Variants in DCLK1 observed in about 807,000 individuals in gnomAD.
DCLK1 encodes the protein doublecortin like kinase 1.
In DCLK1, 16 loss-of-function variants were observed where a neutral mutation model predicts 86.2. That is an observed-to-expected ratio of 0.19 (90% CI 0.13 to 0.28). The LOEUF (loss-of-function observed/expected upper bound fraction) is 0.28. Ranked by LOEUF, DCLK1 falls within the 10% of genes least tolerant of loss-of-function variation. The probability of loss-of-function intolerance (pLI) is 1.00; values close to 1 mark genes in which losing one functional copy is unlikely to be tolerated. For synonymous variants in DCLK1, 369 were observed against 370.5 expected (o/e 1.00, Z 0.05); for missense variants, 590 against 940.2 (o/e 0.63, Z 4.87).
At chr13:35,862,032 C>CA (rs36091477) in intron 5 of DCLK1, among the ~76,000 whole-genome samples, 2,098 of 70,894 alleles carry the variant, frequency 0.03, 104 homozygotes, top group Middle Eastern at 0.035. Context: ...GACTCCGTCT[C>CA]AAAAAAAAAA....
At chr13:36,051,008 G>A (rs937084950) in intron 3 of DCLK1, among the ~76,000 whole-genome samples, 1 of 152,192 alleles carries the variant, frequency 6.6e-6, no homozygotes, top group Non-Finnish European at 1.5e-5. Context: ...ATCAGCCAAT[G>A]AGAAGTGATG....
chr13:36,095,151 A>ATCTC (rs1313994536), intron 3 of DCLK1, among the ~76,000 whole-genome samples: 1 of 143,228 alleles, frequency 7.0e-6, no homozygotes, highest in African/African-American at 2.7e-5. Context: ...ATCCTCTGAT[A>ATCTC]TCTCTCTATC....
At chr13:36,070,347 C>T (rs1043419926) in intron 3 of DCLK1, among the ~76,000 whole-genome samples, 1 of 152,146 alleles carries the variant, frequency 6.6e-6, no homozygotes, top group Admixed American at 6.5e-5. Flanking sequence ...GGGCTGAGTA[C>T]TCTATAAACG....
intron 16 of DCLK1, among the ~76,000 whole-genome samples, chr13:35,785,539 G>A (rs568537496): frequency 6.6e-6 from 1 of 152,216 alleles, no homozygotes; most frequent in South Asian, 2.1e-4. Flanking sequence ...GTATGAGGCT[G>A]GAGAATGGAG....
intron 10 of DCLK1, among the ~76,000 whole-genome samples, chr13:35,823,772 C>T (rs1433480459): frequency 1.3e-5 from 2 of 152,134 alleles, no homozygotes; most frequent in Non-Finnish European, 2.9e-5. Context: ...TTACCTAATG[C>T]GCTAAGGAAC....
intron 3 of DCLK1, among the ~76,000 whole-genome samples, chr13:36,029,754 G>A (rs1158065560): frequency 6.6e-6 from 1 of 152,094 alleles, no homozygotes; most frequent in Non-Finnish European, 1.5e-5. Context: ...GGAAAAACAA[G>A]ATCTGTTCCA....
At chr13:35,867,909 AAAAGAAAG>A (rs34489580) in intron 5 of DCLK1, among the ~76,000 whole-genome samples, 3,590 of 102,400 alleles carry the variant, frequency 0.035, 75 homozygotes, top group Non-Finnish European at 0.046. Flanking sequence ...GAAAGAAAGA[AAAAGAAAG>A]AAAGAAAGAA....
At chr13:35,851,993 G>GTA (rs113058173) in intron 6 of DCLK1, among the ~76,000 whole-genome samples, 26,861 of 147,032 alleles carry the variant, frequency 0.18, 2,428 homozygotes, top group Admixed American at 0.26. Flanking sequence ...GCATGTGTGT[G>GTA]TATGTGTGTG....
At chr13:36,025,821 T>TA (rs533304094) in intron 3 of DCLK1, among the ~76,000 whole-genome samples, 10 of 151,822 alleles carry the variant, frequency 6.6e-5, no homozygotes, top group African/African-American at 1.7e-4. Flanking sequence ...AATTAAAATA[T>TA]AAAAAAAAAT....
intron 3 of DCLK1, among the ~76,000 whole-genome samples, chr13:35,993,385 C>A (rs1880324486): frequency 1.3e-5 from 2 of 152,174 alleles, no homozygotes; most frequent in Non-Finnish European, 2.9e-5. Context: ...CCAGGTAGAC[C>A]TTAAACTCAT....
intron 11 of DCLK1, among the ~76,000 whole-genome samples, chr13:35,815,303 G>T (rs1247617456): frequency 6.6e-6 from 1 of 152,144 alleles, no homozygotes; most frequent in East Asian, 1.9e-4. Flanking sequence ...AAATGCAGCT[G>T]GTGGCCATAA....
chr13:35,809,804 C>T (rs958591152), intron 12 of DCLK1, among the ~76,000 whole-genome samples: 5 of 152,216 alleles, frequency 3.3e-5, no homozygotes, highest in African/African-American at 1.2e-4. Context: ...CATTCCCTCA[C>T]ATCTCGCCTC....
chr13:36,083,501 C>T (rs746547596), intron 3 of DCLK1, among the ~76,000 whole-genome samples: 46 of 152,170 alleles, frequency 3.0e-4, no homozygotes, highest in Non-Finnish European at 4.7e-4. Context: ...AAGTCCTCTA[C>T]TGTTTATTGG....
intron 3 of DCLK1, among the ~76,000 whole-genome samples, chr13:36,052,209 C>T (rs547517166): frequency 1.1e-3 from 162 of 152,200 alleles, no homozygotes; most frequent in African/African-American, 3.7e-3. Context: ...TAGTAATTGC[C>T]TTTTGAGATG....
At chr13:35,793,651 C>T (rs555156022) in intron 15 of DCLK1, among the ~76,000 whole-genome samples, 172 bp from the exon 16 acceptor site, 5 of 152,244 alleles carry the variant, frequency 3.3e-5, no homozygotes, top group South Asian at 2.1e-4. Context: ...GCTCCAAGGT[C>T]TCATTCATTT....
In DCLK1 at chr13:35,840,083, C is replaced by T. The variant is rs371014498; in HGVS notation, c.1036-907G>A. On this transcript the variant is annotated intron_variant, in intron 6 of 16. Coordinates refer to ENST00000360631, the MANE Select transcript of DCLK1 (RefSeq NM_001330071.2). The stretch of plus-strand genomic sequence containing the variant: ...GAGCAGGAGGCGGTGAGGGGGCGGG[C>T]GGCATTGGCTCATGGTGCCGGCTGT... 1.5e-3 allele frequency among the ~76,000 whole-genome samples: 225 copies of T among 152,202 alleles called. 1 individual carries two copies. Among genetic ancestry groups the T allele is most frequent in the African/African-American group, 5.0e-3 (208 of 41,528 alleles).
intron 3 of DCLK1, among the ~76,000 whole-genome samples, chr13:35,974,221 C>A (rs1879210388): frequency 6.6e-6 from 1 of 152,158 alleles, no homozygotes. Context: ...GAATTCCTAA[C>A]CCCGAGTACT....
rs1379857871 is a variant in DCLK1, at chr13:35,955,473, G to T, written c.724-8016C>A. Among the ~76,000 whole-genome samples the T allele has an allele frequency of 4.6e-5, 7 of 152,076 alleles. No individual in the cohort carries two copies. In the East Asian group the frequency reaches 1.4e-3, roughly 29 times the overall value. ...CCCTGATTCTATTCATGAGGATGAT[G>T]CCCTTGTAACCTAATGGCCTAATCA... On this transcript the variant is annotated intron_variant, in intron 3 of 16. Transcript: ENST00000360631.
intron 2 of DCLK1, among the ~76,000 whole-genome samples, chr13:36,115,643 C>T (rs7491994): frequency 6.6e-6 from 1 of 151,322 alleles, no homozygotes; most frequent in South Asian, 2.1e-4. Context: ...TAGCAAGATG[C>T]TGAAGCAGCA....
Sources: gnomAD v4.1 joint callset for allele counts (sites outside exome capture counted in the v4.1 genomes callset) on GRCh38, gnomAD v4.1.1 for gene constraint, MANE v1.5 for transcripts, NCBI Gene and HGNC (gene_info 2026-07-23, HGNC 2026-07-21) for gene names.